Variants in ZFAND4 observed in about 807,000 individuals in gnomAD.
The protein encoded by ZFAND4 is zinc finger AN1-type containing 4, also known as AN1-type zinc finger protein 4.
A neutral mutation model predicts 64.4 loss-of-function variants in ZFAND4; 43 were observed. The observed-to-expected ratio is 0.67, with a 90% CI of 0.52 to 0.86. ZFAND4 has a LOEUF of 0.86. Ranked by LOEUF, ZFAND4 falls within the 40% of genes least tolerant of loss-of-function variation. ZFAND4 has a pLI of 0.00. For missense variants in ZFAND4, 929 were observed against 859.8 expected (o/e 1.08, Z -1.01); for synonymous variants, 296 against 305.7 (o/e 0.97, Z 0.33).
At chr10:45,628,146 A>G (rs1210788325) in intron 6 of ZFAND4, among the ~76,000 whole-genome samples, 9 of 152,218 alleles carry the variant, frequency 5.9e-5, no homozygotes, top group Non-Finnish European at 8.8e-5. Context: ...CAAAAATGGT[A>G]GCAAGCAGGC....
Position 45,626,346 on chromosome 10 carries a change from G to A in ZFAND4, c.1477C>T (p.Gln493Ter), listed in dbSNP as rs899379807. ...TTCCCAAACTCAAAACATTTGGACT[G>A]TCTCTCTGGTTTCACCAGAGAATTA... ...LHNSLVKPER[Q>*]SKCFEFGKLQ... The change falls in exon 7 of 10, where the codon CAG (glutamine) becomes TAG (stop). Residue 493 changes from glutamine (Q) to a stop codon, truncating the protein, a stop_gained. Coordinates refer to ENST00000344646, the MANE Select transcript of ZFAND4 (RefSeq NM_174890.4). LOFTEE classifies it high-confidence loss of function. 6.2e-7 allele frequency: 1 copy of A among 1,614,208 alleles called. No individual in the cohort carries two copies. The highest frequency in any genetic ancestry group is 2.2e-5 in the East Asian group (1 of 44,882).
In ZFAND4 at chr10:45,618,266, T is replaced by A. The variant is rs1323384372; in HGVS notation, c.1928-6A>T. On this transcript the variant is annotated splice_region_variant and splice_polypyrimidine_tract_variant and intron_variant, in intron 8 of 9. Coordinates refer to ENST00000344646, the MANE Select transcript of ZFAND4 (RefSeq NM_174890.4). ...GTGATGAGTAGTACATTCTCCTGTT[T>A]AGAGAAAGGACACCTTGATTAACAC... 1 of 1,609,260 alleles carries A rather than the reference T, an allele frequency of 6.2e-7. No individual in the cohort carries two copies. The highest frequency in any genetic ancestry group is 1.1e-5 in the South Asian group (1 of 89,774).
At chr10:45,628,896 C>CAAAAAAAAAAAAAAAAAAAAAAGGAAAAA (rs74412113) in intron 6 of ZFAND4, among the ~76,000 whole-genome samples, 1 of 45,470 alleles carries the variant, frequency 2.2e-5, no homozygotes, top group Admixed American at 2.3e-4. Context: ...GGAGCTTCAC[C>CAAAAAAAAAAAAAAAAAAAAAAGGAAAAA]AAAAAAAAAA....
intron 1 of ZFAND4, among the ~76,000 whole-genome samples, chr10:45,671,821 TAAAA>T (rs199848014): frequency 1.4e-5 from 2 of 141,294 alleles, no homozygotes; most frequent in African/African-American, 2.6e-5. Flanking sequence ...CCCTAGAACT[TAAAA>T]AAAAAAAAAA....
In ZFAND4 at chr10:45,626,655, T is replaced by C; in HGVS notation, c.1168A>G (p.Thr390Ala). The change falls in exon 7 of 10, where the codon ACC (threonine) becomes GCC (alanine). Residue 390 changes from threonine (T) to alanine (A), a missense_variant. Thr to Ala is a moderately conservative substitution (Grantham distance 58, BLOSUM62 0). Transcript: ENST00000344646. ...NIVLPSEECV[T>A]EQSLLPKVGS... ...ACTTTAGGTAGAAGTGATTGTTCGG[T>C]TACACATTCTTCTGAAGGTAAGACA... 6.2e-7 allele frequency: 1 copy of C among 1,614,230 alleles called. No homozygotes were observed. The highest frequency in any genetic ancestry group is 1.3e-5 in the African/African-American group (1 of 75,060).
At chr10:45,633,662 AC>A (rs1379509723) in intron 6 of ZFAND4, among the ~76,000 whole-genome samples, 1 of 152,034 alleles carries the variant, frequency 6.6e-6, no homozygotes, top group Non-Finnish European at 1.5e-5. Context: ...AAAAAAAAAA[AC>A]GAAAAAGAAA....
At chr10:45,643,387 C>T (rs1006581646) in intron 5 of ZFAND4, among the ~76,000 whole-genome samples, 1 of 151,528 alleles carries the variant, frequency 6.6e-6, no homozygotes, top group Non-Finnish European at 1.5e-5. Context: ...TAAAAAATCC[C>T]AGGCCGGGCA....
At chr10:45,654,721 A>C (rs1307671991) in intron 2 of ZFAND4, among the ~76,000 whole-genome samples, 2 of 152,170 alleles carry the variant, frequency 1.3e-5, no homozygotes, top group African/African-American at 4.8e-5. Flanking sequence ...ATATCAGAGA[A>C]AACAGAGTTT....
chr10:45,643,826 T>C (rs552343916), intron 5 of ZFAND4, among the ~76,000 whole-genome samples: 97 of 152,298 alleles, frequency 6.4e-4, no homozygotes, highest in Non-Finnish European at 1.2e-3. Flanking sequence ...CAGCAAACCA[T>C]GGTCATGGGT....
chr10:45,616,627 G>A, intron 9 of ZFAND4, 56 bp from the exon 10 acceptor site: 2 of 1,593,678 alleles, frequency 1.3e-6, no homozygotes, highest in Non-Finnish European at 1.7e-6. Flanking sequence ...AGGCTCATCT[G>A]TCTGGGAGAC....
At position 45,639,964 on chromosome 10, in the gene ZFAND4, C is replaced by T. The variant is rs2046874230; in HGVS notation, c.570-1G>A. 1 of 1,600,534 alleles carries T rather than the reference C, an allele frequency of 6.2e-7. No individual in the cohort carries two copies. Among genetic ancestry groups the T allele is most frequent in the Non-Finnish European group, 8.5e-7 (1 of 1,176,928 alleles). On this transcript the variant is annotated splice_acceptor_variant, in intron 5 of 9. Coordinates refer to ENST00000344646, the MANE Select transcript of ZFAND4 (RefSeq NM_174890.4). LOFTEE classifies it high-confidence loss of function. ...ATCTGAATTATACATAGAACCACCA[C>T]TGCAAAGAAAACAATAACTACTTGA...
At chr10:45,666,856 G>A (rs547581728) in intron 1 of ZFAND4, among the ~76,000 whole-genome samples, 1 of 152,270 alleles carries the variant, frequency 6.6e-6, no homozygotes, top group South Asian at 2.1e-4. Context: ...TCTTTATTCT[G>A]TTGATCTACC....
chr10:45,626,844 T>G lies in ZFAND4; in HGVS notation c.979A>C (p.Thr327Pro). ...LKEDNSWENN[T>P]LSHFSSNVKL... ...ACGTTGCTACTGAAGTGAGACAGTG[T>G]GTTATTCTCCCAGCTATTATCTTCC... Residue 327 changes from threonine (T) to proline (P), a missense_variant, in exon 7 of 10, where the codon ACA (threonine) becomes CCA (proline). Transcript: ENST00000344646. The G allele has an allele frequency of 6.2e-7, 1 of 1,614,206 alleles. No homozygotes were observed. Among genetic ancestry groups the G allele is most frequent in the Non-Finnish European group, 8.5e-7 (1 of 1,180,046 alleles).
At chr10:45,670,217 A>T (rs2049087395) in intron 1 of ZFAND4, among the ~76,000 whole-genome samples, 1 of 150,948 alleles carries the variant, frequency 6.6e-6, no homozygotes. Flanking sequence ...AAAAATCACA[A>T]CTATCTGATT....
chr10:45,631,623 GCAGAGCAACATTTTAGA>G (rs1031633050), intron 6 of ZFAND4, among the ~76,000 whole-genome samples: 5 of 152,190 alleles, frequency 3.3e-5, no homozygotes, highest in Admixed American at 3.3e-4. Context: ...GCAAAGCATA[GCAGAGCAACATTTTAGA>G]CAAACTCAAG....
rs553028859 is a variant in ZFAND4, at chr10:45,621,342, T to C, written c.1928-3082A>G. On this transcript the variant is annotated intron_variant, in intron 8 of 9. Transcript: ENST00000344646. ...ATGGAAGCAAGTTACACAGCTCTAC[T>C]GCAGCTAGCAGCTGATACTTCAAAT... 8.6e-5 allele frequency among the ~76,000 whole-genome samples: 13 copies of C among 151,502 alleles called. No individual in the cohort carries two copies. The East Asian group carries it at 2.5e-3, about 29-fold the overall frequency.
In ZFAND4 at chr10:45,628,366, G is replaced by A. The variant is rs189763239; in HGVS notation, c.718-1261C>T. 3.3e-3 allele frequency among the ~76,000 whole-genome samples: 510 copies of A among 152,296 alleles called. 11 individuals are homozygous for A. The highest frequency in any genetic ancestry group is 0.029 in the Admixed American group (438 of 15,296). On this transcript the variant is annotated intron_variant, in intron 6 of 9. Coordinates refer to ENST00000344646, the MANE Select transcript of ZFAND4 (RefSeq NM_174890.4). ...TAGAGACAGAGTTGTCGCCTAGGCA[G>A]GAGTGCAATGGCACAATCTCAGGCC...
Position 45,632,046 on chromosome 10 carries a change from G to T in ZFAND4, c.718-4941C>A, listed in dbSNP as rs571774027. On this transcript the variant is annotated intron_variant, in intron 6 of 9. Coordinates refer to ENST00000344646, the MANE Select transcript of ZFAND4 (RefSeq NM_174890.4). ...TGTATGGGGAAACCTACAGCAAAAA[G>T]ACTGATCATAAGAATGGAATACAAT... Among the ~76,000 whole-genome samples the T allele has an allele frequency of 2.6e-5, 4 of 152,276 alleles. No individual in the cohort carries two copies. In the East Asian group the frequency reaches 5.8e-4, roughly 22 times the overall value.
chr10:45,662,857 T>C (rs1403851081), intron 2 of ZFAND4, among the ~76,000 whole-genome samples: 1 of 152,214 alleles, frequency 6.6e-6, no homozygotes, highest in African/African-American at 2.4e-5. Flanking sequence ...CAAAGATCCA[T>C]TTACTGTTAT....
Sources: allele counts gnomAD v4.1 joint callset (sites outside exome capture counted in the v4.1 genomes callset), GRCh38; gene constraint gnomAD v4.1.1; transcripts MANE v1.5; gene names NCBI Gene and HGNC (gene_info 2026-07-23, HGNC 2026-07-21).